Variants in ACACB observed in about 807,000 individuals in gnomAD.
The protein encoded by ACACB is acetyl-CoA carboxylase 2.
A neutral mutation model predicts 278.8 loss-of-function variants in ACACB; 209 were observed. That is an observed-to-expected ratio of 0.75 (90% CI 0.67 to 0.84). The LOEUF is 0.84. Ranked by LOEUF, ACACB falls within the 40% of genes least tolerant of loss-of-function variation. The probability of loss-of-function intolerance (pLI) is 0.00; values close to 1 mark genes in which losing one functional copy is unlikely to be tolerated. For missense variants in ACACB, 2,850 were observed against 3,269.0 expected (o/e 0.87, Z 3.13); for synonymous variants, 1,174 against 1,285.6 (o/e 0.91, Z 1.86).
At chr12:109,198,390 AG>A (rs1356318400) in intron 17 of ACACB, among the ~76,000 whole-genome samples, 1 of 152,232 alleles carries the variant, frequency 6.6e-6, no homozygotes, top group African/African-American at 2.4e-5. Flanking sequence ...CAGCCAAAAA[AG>A]GGTCACATCC....
chr12:109,216,314 C>T (rs1200891590), intron 22 of ACACB, among the ~76,000 whole-genome samples: 2 of 151,090 alleles, frequency 1.3e-5, no homozygotes, highest in African/African-American at 2.4e-5. Flanking sequence ...CTCCTCTTCC[C>T]GGATTCAAGC....
intron 29 of ACACB, 44 bp from the exon 30 acceptor site, chr12:109,233,704 G>A (rs1466240360): frequency 1.3e-6 from 2 of 1,545,934 alleles, no homozygotes; most frequent in Admixed American, 1.7e-5. Context: ...TCATCCCCAT[G>A]GGTCAGCAGC....
intron 28 of ACACB, among the ~76,000 whole-genome samples, chr12:109,231,414 G>A (rs2046467114): frequency 6.6e-6 from 1 of 152,104 alleles, no homozygotes; most frequent in South Asian, 2.1e-4. Flanking sequence ...ATTCATGTAT[G>A]TTATTAAAAT....
chr12:109,191,698 G>A lies in ACACB; in HGVS notation c.2230G>A (p.Glu744Lys), dbSNP rs967160470. Residue 744 changes from glutamate to lysine, a missense_variant, in exon 14 of 53, where the codon GAG becomes AAG. By Grantham distance (56) the Glu-to-Lys change is moderately conservative. This residue lies in a region of ACACB where 2,265 missense variants were observed against 2,561.3 expected (regional missense o/e 0.88). Coordinates refer to ENST00000338432, the MANE Select transcript of ACACB (RefSeq NM_001093.4). ...VEYLINLLETESFQNNDIDTG... is the reference protein window; with the variant it reads ...VEYLINLLETKSFQNNDIDTG... Reference sequence around the variant, plus strand: ...ATACCTCATTAACCTCCTGGAGACCGAGAGCTTCCAGAACAACGACATCGA... The same window carrying A: ...ATACCTCATTAACCTCCTGGAGACCAAGAGCTTCCAGAACAACGACATCGA... 31 of 1,614,074 alleles carry A rather than the reference G, an allele frequency of 1.9e-5. No homozygotes were observed. The highest frequency in any genetic ancestry group is 1.1e-4 in the African/African-American group (8 of 74,918).
At chr12:109,252,793 A>T (rs1238966656) in intron 42 of ACACB, among the ~76,000 whole-genome samples, 1 of 152,208 alleles carries the variant, frequency 6.6e-6, no homozygotes, top group Non-Finnish European at 1.5e-5. Flanking sequence ...TGGCCTGCAT[A>T]TTGGAATTAT....
intron 4 of ACACB, among the ~76,000 whole-genome samples, chr12:109,170,360 C>T (rs1297036417): frequency 1.3e-5 from 2 of 152,160 alleles, no homozygotes; most frequent in African/African-American, 4.8e-5. Flanking sequence ...CCACCGCGCC[C>T]AGCCAGCGTG....
In ACACB at chr12:109,227,455, T is replaced by C. The variant is rs565341019; in HGVS notation, c.3967T>C (p.Phe1323Leu). 19 of 1,614,074 alleles carry C rather than the reference T, an allele frequency of 1.2e-5. No individual in the cohort carries two copies. In the South Asian group the frequency reaches 1.9e-4, roughly 16 times the overall value. The part of the protein sequence containing the change: ...QLPDGTCVVE[F>L]QFMLPSSHPN... The stretch of plus-strand genomic sequence containing the variant: ...CCCGGACGGCACCTGCGTGGTAGAA[T>C]TCCAGTTCATGCTGCCGTCCTCCCA... The change falls in exon 28 of 53, where the codon TTC becomes CTC. Residue 1323 changes from phenylalanine to leucine, a missense_variant. Around this residue, in one of 3 missense-constraint regions of ACACB, gnomAD observed 2,265 missense variants for 2,561.3 expected, o/e 0.88. Transcript: ENST00000338432.
chr12:109,167,642 TA>T (rs1254443103), intron 3 of ACACB, among the ~76,000 whole-genome samples: 1 of 135,424 alleles, frequency 7.4e-6, no homozygotes, highest in African/African-American at 2.8e-5. Context: ...TATATATATA[TA>T]TATATATATA....
At chr12:109,203,352 T>C (rs746406595) in intron 19 of ACACB, among the ~76,000 whole-genome samples, 1 of 152,226 alleles carries the variant, frequency 6.6e-6, no homozygotes, top group Non-Finnish European at 1.5e-5. Flanking sequence ...TTTTACCTAT[T>C]GTCCAGGATC....
intron 17 of ACACB, among the ~76,000 whole-genome samples, chr12:109,198,776 A>G (rs1414019338): frequency 1.3e-5 from 2 of 150,700 alleles, no homozygotes; most frequent in African/African-American, 4.9e-5. Context: ...ATATGCTACC[A>G]CGCCCAGCTA....
At chr12:109,173,276 T>C (rs1312158519) in intron 6 of ACACB, among the ~76,000 whole-genome samples, 1 of 152,208 alleles carries the variant, frequency 6.6e-6, no homozygotes, top group Admixed American at 6.5e-5. Context: ...AGTTTACCTA[T>C]ATAACAAATT....
chr12:109,210,561 A>G (rs2045809919), intron 21 of ACACB, among the ~76,000 whole-genome samples: 1 of 148,942 alleles, frequency 6.7e-6, no homozygotes, highest in Non-Finnish European at 1.5e-5. Context: ...ATATACATAT[A>G]TACATGTATG....
intron 44 of ACACB, among the ~76,000 whole-genome samples, chr12:109,255,758 G>T (rs1284297957): frequency 6.6e-6 from 1 of 152,224 alleles, no homozygotes; most frequent in African/African-American, 2.4e-5. Context: ...GCAGGTGAGG[G>T]ATGAGTTTTT....
intron 2 of ACACB, among the ~76,000 whole-genome samples, chr12:109,155,603 G>A (rs143446669): frequency 3.0e-4 from 45 of 149,766 alleles, no homozygotes; most frequent in African/African-American, 1.1e-3. Context: ...TTTTTCCGGT[G>A]CAGATATGTT....
rs2047535113 is a variant in ACACB at position 109,266,995 on chromosome 12, C to G, written c.*633C>G. The G allele has an allele frequency of 6.7e-6, 1 of 148,308 alleles. No individual in the cohort carries two copies. Among genetic ancestry groups the G allele is most frequent in the South Asian group, 2.1e-4 (1 of 4,724 alleles). 9.2% of individuals were successfully genotyped at this position (148,308 alleles called of 1,614,324 possible). ...TCTCACTGCAACCTCCATCTCCTGT[C>G]TCAGCCTCCTAGATAACTGGGATTA... is the stretch of plus-strand genomic sequence containing the variant. On this transcript the variant is annotated 3_prime_UTR_variant, in exon 53 of 53. Transcript: ENST00000338432.
chr12:109,187,791 A>G (rs2044715004), intron 12 of ACACB, among the ~76,000 whole-genome samples: 1 of 152,146 alleles, frequency 6.6e-6, no homozygotes, highest in Admixed American at 6.5e-5. Flanking sequence ...GTTAAAAAAA[A>G]TAAGAATTAT....
intron 1 of ACACB, among the ~76,000 whole-genome samples, chr12:109,122,733 A>G (rs1593351498): frequency 6.6e-6 from 1 of 152,030 alleles, no homozygotes; most frequent in East Asian, 1.9e-4. Context: ...AAAAAAGTTG[A>G]CCTGTTTTTT....
At chr12:109,132,808 G>A (rs2042863454) in intron 1 of ACACB, among the ~76,000 whole-genome samples, 1 of 152,152 alleles carries the variant, frequency 6.6e-6, no homozygotes, top group South Asian at 2.1e-4. Context: ...AGGTAACCCT[G>A]GCAAGGAAGG....
chr12:109,139,633 A>G lies in ACACB; in HGVS notation c.228A>G (p.Pro76=). ...CCAAGACACCCAGCCAGGCCGAGCC[A>G]GCCTCCCACAAAGGCCCCAAAGATG... The part of the protein sequence containing the change: ...TLPKTPSQAE[P]ASHKGPKDAG... The change falls in exon 2 of 53, where the codon CCA becomes CCG. Residue 76 remains proline, a synonymous_variant. Coordinates refer to ENST00000338432, the MANE Select transcript of ACACB (RefSeq NM_001093.4). The G allele has an allele frequency of 6.2e-7, 1 of 1,614,084 alleles. No homozygotes were observed. The highest frequency in any genetic ancestry group is 8.5e-7 in the Non-Finnish European group (1 of 1,179,962).
Sources: gnomAD v4.1 joint callset for allele counts (sites outside exome capture counted in the v4.1 genomes callset) on GRCh38, gnomAD v4.1.1 for gene constraint, gnomAD v4.1.1 regional missense constraint, MANE v1.5 for transcripts, NCBI Gene and HGNC (gene_info 2026-07-23, HGNC 2026-07-21) for gene names.